The following CACNB2 variants were observed in gnomAD, a reference collection of about 807,000 sequenced individuals.
The protein encoded by CACNB2 is calcium voltage-gated channel auxiliary subunit beta 2.
Under a neutral mutation model 73.3 loss-of-function variants are expected in CACNB2, and 42 were observed. That is an observed-to-expected ratio of 0.57 (90% CI 0.45 to 0.74). CACNB2 has a LOEUF of 0.74. CACNB2 is among the 30% of genes least tolerant of loss of function. The probability of loss-of-function intolerance (pLI) is 0.00; values close to 1 mark genes in which losing one functional copy is unlikely to be tolerated. For synonymous variants in CACNB2, 348 were observed against 310.3 expected, an observed-to-expected ratio of 1.12 and a Z score of -1.28; for missense variants, 940 against 853.0, an observed-to-expected ratio of 1.10 and a Z score of -1.27.
intron 1 of CACNB2, chr10:18,141,367 C>T (rs2030383909): frequency 2.7e-6 from 2 of 751,570 alleles, no homozygotes; most frequent in African/African-American, 1.7e-5. Context: ...GGTGCCCTGC[C>T]GGATCCCCCC....
intron 2 of CACNB2, among the ~76,000 whole-genome samples, chr10:18,327,355 C>A (rs192649751): frequency 1.4e-3 from 209 of 152,222 alleles, no homozygotes; most frequent in Non-Finnish European, 2.5e-3. Flanking sequence ...ATCAGATATA[C>A]CTAAATGCTC....
intron 3 of CACNB2, among the ~76,000 whole-genome samples, chr10:18,434,408 G>A (rs2046034294): frequency 6.6e-6 from 1 of 152,000 alleles, no homozygotes; most frequent in African/African-American, 2.4e-5. Context: ...TAGAATTTGG[G>A]GAATCAGGAA....
chr10:18,453,359 T>G (rs1043328924), intron 3 of CACNB2, among the ~76,000 whole-genome samples: 46 of 152,208 alleles, frequency 3.0e-4, no homozygotes, highest in African/African-American at 1.1e-3. Flanking sequence ...GACTTTCCAG[T>G]GTCCTTCCTG....
intron 2 of CACNB2, among the ~76,000 whole-genome samples, chr10:18,344,080 AAAAG>A (rs1346960025): frequency 7.4e-4 from 113 of 152,106 alleles, no homozygotes; most frequent in Admixed American, 1.2e-3. Flanking sequence ...AAAAAAAAAA[AAAAG>A]AAAGTTAGCA....
intron 2 of CACNB2, among the ~76,000 whole-genome samples, chr10:18,273,031 T>C (rs2038123570): frequency 6.6e-6 from 1 of 152,226 alleles, no homozygotes; most frequent in African/African-American, 2.4e-5. Flanking sequence ...GTGACTTCAT[T>C]GTGCATCACT....
intron 2 of CACNB2, among the ~76,000 whole-genome samples, chr10:18,208,950 C>G (rs572381391): frequency 1.3e-5 from 2 of 152,288 alleles, no homozygotes; most frequent in African/African-American, 4.8e-5. Context: ...TGGAGCACAT[C>G]ATCGTTGGCA....
At chr10:18,270,744 A>T (rs1418660296) in intron 2 of CACNB2, among the ~76,000 whole-genome samples, 1 of 152,108 alleles carries the variant, frequency 6.6e-6, no homozygotes, top group Non-Finnish European at 1.5e-5. Context: ...TTCCCCTATC[A>T]TAACACTTAC....
At chr10:18,215,607 T>C (rs2035480084) in intron 2 of CACNB2, among the ~76,000 whole-genome samples, 1 of 152,212 alleles carries the variant, frequency 6.6e-6, no homozygotes. Flanking sequence ...CCAAACTCTT[T>C]TATGGCTATG....
At chr10:18,476,957 T>C (rs1175603150) in intron 3 of CACNB2, among the ~76,000 whole-genome samples, 2 of 151,088 alleles carry the variant, frequency 1.3e-5, no homozygotes, top group African/African-American at 4.9e-5. Context: ...GAGGCAGAGA[T>C]AGCAGTGAGC....
intron 3 of CACNB2, among the ~76,000 whole-genome samples, chr10:18,469,822 A>G (rs2048088744): frequency 6.6e-6 from 1 of 152,182 alleles, no homozygotes; most frequent in Non-Finnish European, 1.5e-5. Flanking sequence ...CTAATGGTTG[A>G]TACAGTTTCT....
At chr10:18,262,037 G>GCTA (rs1296419014) in intron 2 of CACNB2, 6 of 518,676 alleles carry the variant, frequency 1.2e-5, no homozygotes, top group African/African-American at 1.2e-4. Context: ...TTTGCGAGCA[G>GCTA]CTACTCTATT....
At position 18,140,682 on chromosome 10, in the gene CACNB2, G is replaced by T; in HGVS notation, c.-55G>T. On this transcript the variant is annotated 5_prime_UTR_variant, in exon 1 of 14. It adds an upstream start codon to the 5' untranslated region. Transcript: ENST00000324631. ...GAGCGCGGGGAGGCGGGGGCGAGGA[G>T]GAGGGGACCCGCCGCCGGGGGCTGG... The T allele has an allele frequency of 1.3e-6, 2 of 1,496,564 alleles. No homozygotes were observed. Among genetic ancestry groups the T allele is most frequent in the South Asian group, 2.4e-5 (2 of 84,240 alleles). The allele number at this position is 1,496,564 out of a possible 1,614,324, so 92.7% of individuals were successfully genotyped here. A position where few individuals can be genotyped will look rare whatever the true frequency, so the allele number is the denominator to read the frequency against.
chr10:18,313,948 T>C (rs1211066413), intron 2 of CACNB2, among the ~76,000 whole-genome samples: 1 of 152,264 alleles, frequency 6.6e-6, no homozygotes, highest in Non-Finnish European at 1.5e-5. Context: ...ATTGAAATGT[T>C]GTAGACTTTA....
intron 3 of CACNB2, among the ~76,000 whole-genome samples, chr10:18,496,422 C>T (rs1218047244): frequency 6.6e-6 from 1 of 152,142 alleles, no homozygotes; most frequent in Non-Finnish European, 1.5e-5. Context: ...CTCTCTACTC[C>T]AACTCCCCTG....
intron 2 of CACNB2, among the ~76,000 whole-genome samples, chr10:18,217,710 G>C (rs1241234477): frequency 6.6e-6 from 1 of 151,466 alleles, no homozygotes; most frequent in East Asian, 2.0e-4. Context: ...ATTCCAAGCA[G>C]AGAGAACAGC....
intron 3 of CACNB2, among the ~76,000 whole-genome samples, chr10:18,467,115 C>G (rs1236020861): frequency 6.6e-6 from 1 of 152,170 alleles, no homozygotes; most frequent in Non-Finnish European, 1.5e-5. Flanking sequence ...GATCACAACA[C>G]TGCACTACAG....
chr10:18,368,912 G>A (rs2042464314), intron 2 of CACNB2, among the ~76,000 whole-genome samples: 1 of 152,080 alleles, frequency 6.6e-6, no homozygotes, highest in Non-Finnish European at 1.5e-5. Context: ...AAAAGAGAGA[G>A]AACCAGTCTG....
At chr10:18,450,066 C>T (rs375334604) in intron 3 of CACNB2, among the ~76,000 whole-genome samples, 1 of 152,234 alleles carries the variant, frequency 6.6e-6, no homozygotes, top group African/African-American at 2.4e-5. Flanking sequence ...CTGCTGTTTC[C>T]TCTGTATATC....
At chr10:18,492,566 C>T (rs975818180) in intron 3 of CACNB2, among the ~76,000 whole-genome samples, 10 of 140,926 alleles carry the variant, frequency 7.1e-5, no homozygotes, top group Admixed American at 3.8e-4. Context: ...GATTGCAGTG[C>T]GCCAAGATCG....
Sources: gnomAD v4.1 joint callset for allele counts (sites outside exome capture counted in the v4.1 genomes callset) on GRCh38, gnomAD v4.1.1 for gene constraint, MANE v1.5 for transcripts, NCBI Gene and HGNC (gene_info 2026-07-23, HGNC 2026-07-21) for gene names.